TNFSF4: variants seen among roughly 807,000 people sequenced by gnomAD.
The protein encoded by TNFSF4 is tumor necrosis factor ligand superfamily member 4.
Under a neutral mutation model 7.3 loss-of-function variants are expected in TNFSF4, and 4 were observed. The ratio of observed to expected loss-of-function variants is 0.55; its 90% confidence interval spans 0.27 to 1.25. TNFSF4 has a LOEUF of 1.25. Ranked by LOEUF, TNFSF4 falls within the 50% of genes most tolerant of loss-of-function variation. The pLI, the probability that TNFSF4 is intolerant of heterozygous loss-of-function variation, is 0.12. For synonymous variants in TNFSF4, 76 were observed against 83.7 expected, an observed-to-expected ratio of 0.91 and a Z score of 0.50; for missense variants, 181 against 208.8, an observed-to-expected ratio of 0.87 and a Z score of 0.82.
At chr1:173,255,505 A>G in the TNFSF4 span, among the ~76,000 whole-genome samples, 1 of 152,178 alleles carries the variant, frequency 6.6e-6, no homozygotes, top group Admixed American at 6.5e-5. Flanking sequence ...ATTAAATGTT[A>G]CCACATTGCC....
At chr1:173,252,856 T>C in the TNFSF4 span, among the ~76,000 whole-genome samples, 1 of 152,214 alleles carries the variant, frequency 6.6e-6, no homozygotes, top group Non-Finnish European at 1.5e-5. Context: ...GTGAAAATTA[T>C]ACTTACGATG....
chr1:173,180,357 T>C (rs1198886400), downstream of TNFSF4, among the ~76,000 whole-genome samples: 1 of 152,206 alleles, frequency 6.6e-6, no homozygotes, highest in Non-Finnish European at 1.5e-5. Context: ...TTCATATTTG[T>C]CTTTACATTT....
the TNFSF4 span, among the ~76,000 whole-genome samples, chr1:173,389,502 A>G: frequency 1.3e-5 from 2 of 152,032 alleles, no homozygotes; most frequent in Non-Finnish European, 2.9e-5. Context: ...TCATCTATAT[A>G]TGAGAGTTGC....
chr1:173,266,116 G>A, the TNFSF4 span, among the ~76,000 whole-genome samples: 1 of 152,154 alleles, frequency 6.6e-6, no homozygotes, highest in African/African-American at 2.4e-5. Flanking sequence ...GCAAGAGTAA[G>A]AAGGATGGAG....
chr1:173,302,837 C>A, the TNFSF4 span, among the ~76,000 whole-genome samples: 6 of 151,336 alleles, frequency 4.0e-5, no homozygotes, highest in Non-Finnish European at 8.9e-5. Context: ...AATTTAATAA[C>A]AAGTAGTGTT....
chr1:173,321,194 T>A, the TNFSF4 span, among the ~76,000 whole-genome samples: 1 of 152,190 alleles, frequency 6.6e-6, no homozygotes. Flanking sequence ...AAACATCTGA[T>A]CTTTGACAAA....
chr1:173,223,799 C>G, the TNFSF4 span, among the ~76,000 whole-genome samples: 2 of 152,194 alleles, frequency 1.3e-5, no homozygotes, highest in African/African-American at 4.8e-5. Flanking sequence ...GGGGGAAACT[C>G]TATCACGCCT....
At chr1:173,346,679 G>A in the TNFSF4 span, among the ~76,000 whole-genome samples, 14 of 152,216 alleles carry the variant, frequency 9.2e-5, no homozygotes, top group South Asian at 4.1e-4. Flanking sequence ...ATGCAGTGGA[G>A]CATCTTTTAA....
chr1:173,249,306 G>A, the TNFSF4 span, among the ~76,000 whole-genome samples: 584 of 152,296 alleles, frequency 3.8e-3, 2 homozygotes, highest in Middle Eastern at 0.017. Context: ...TGTGAATGCC[G>A]AAAAGTTGAC....
At chr1:173,212,710 G>A in the TNFSF4 span, among the ~76,000 whole-genome samples, 1 of 151,952 alleles carries the variant, frequency 6.6e-6, no homozygotes, top group Admixed American at 6.6e-5. Context: ...GTAACTCAAA[G>A]GATAAATGCT....
intron 1 of TNFSF4, among the ~76,000 whole-genome samples, chr1:173,201,785 T>C (rs1458876942): frequency 5.3e-5 from 8 of 152,114 alleles, no homozygotes; most frequent in Non-Finnish European, 1.2e-4. Flanking sequence ...GCATGGGTGA[T>C]TACAAACGAA....
chr1:173,445,374 A>C, the TNFSF4 span, among the ~76,000 whole-genome samples: 1 of 152,218 alleles, frequency 6.6e-6, no homozygotes, highest in Non-Finnish European at 1.5e-5. Context: ...CAGACAGCTA[A>C]TACTTTCAGA....
chr1:173,238,455 C>CAAAAAATAACAGATGCTCATGAGGTAGT, the TNFSF4 span, among the ~76,000 whole-genome samples: 5 of 152,040 alleles, frequency 3.3e-5, no homozygotes, highest in Non-Finnish European at 7.4e-5. Flanking sequence ...AAGAAACTGT[C>CAAAAAATAACAGATGCTCATGAGGTAGT]AGAGTAAACA....
the TNFSF4 span, among the ~76,000 whole-genome samples, chr1:173,316,488 A>C: frequency 6.6e-6 from 1 of 152,094 alleles, no homozygotes; most frequent in Non-Finnish European, 1.5e-5. Context: ...AAAACTTTAG[A>C]TCTAGAAGAA....
intron 1 of TNFSF4, among the ~76,000 whole-genome samples, chr1:173,195,674 T>C (rs1649668073): frequency 6.6e-6 from 1 of 152,192 alleles, no homozygotes; most frequent in African/African-American, 2.4e-5. Flanking sequence ...TTAAACCCAT[T>C]TGACATTTGT....
At chr1:173,198,999 G>C (rs1649830257) in intron 1 of TNFSF4, among the ~76,000 whole-genome samples, 1 of 152,180 alleles carries the variant, frequency 6.6e-6, no homozygotes, top group Non-Finnish European at 1.5e-5. Context: ...CAAAAAACAA[G>C]TATGCCCACT....
chr1:173,185,604 G>A lies in TNFSF4; in HGVS notation c.*912C>T, dbSNP rs1488133610. On this transcript the variant is annotated 3_prime_UTR_variant, in exon 3 of 3. Transcript: ENST00000281834. ...AGTGCGTATCTCAGCATAGGCAGGA[G>A]GATGAGCATGTGTTGCTTTGCCTGT... 6.6e-6 allele frequency: 1 copy of A among 152,194 alleles called. No homozygotes were observed. Among genetic ancestry groups the A allele is most frequent in the Non-Finnish European group, 1.5e-5 (1 of 68,042 alleles). 9.4% of individuals were successfully genotyped at this position (152,194 alleles called of 1,614,324 possible).
the TNFSF4 span, among the ~76,000 whole-genome samples, chr1:173,377,593 C>G: frequency 6.6e-6 from 1 of 152,200 alleles, no homozygotes; most frequent in Admixed American, 6.5e-5. Flanking sequence ...CCTCTTGCCT[C>G]TCTTCTCTGA....
chr1:173,206,917 A>G, intron 1 of TNFSF4, 107 bp downstream of exon 1: 1 of 1,327,302 alleles, frequency 7.5e-7, no homozygotes. Flanking sequence ...AGGGAAAAAA[A>G]ACTCAACACT....
Sources: allele counts gnomAD v4.1 joint callset (sites outside exome capture counted in the v4.1 genomes callset), GRCh38; gene constraint gnomAD v4.1.1; transcripts MANE v1.5; gene names NCBI Gene and HGNC (gene_info 2026-07-23, HGNC 2026-07-21).